Variants in DPP6 observed in about 807,000 individuals in gnomAD.
The protein encoded by DPP6 is A-type potassium channel modulatory protein DPP6.
DPP6 carries 69 observed loss-of-function variants against 122.6 expected under a neutral mutation model. The ratio of observed to expected loss-of-function variants is 0.56; its 90% CI spans 0.46 to 0.69. DPP6 has a LOEUF of 0.69. Ranked by LOEUF, DPP6 falls within the 30% of genes least tolerant of loss-of-function variation. The probability of loss-of-function intolerance (pLI) is 0.00; values close to 1 mark genes in which losing one functional copy is unlikely to be tolerated. For synonymous variants in DPP6, 418 were observed against 433.1 expected, an observed-to-expected ratio of 0.97 and a Z score of 0.43; for missense variants, 928 against 1,116.9, an observed-to-expected ratio of 0.83 and a Z score of 2.41.
intron 2 of DPP6, among the ~76,000 whole-genome samples, chr7:154,454,718 T>C (rs538584123): frequency 6.6e-6 from 1 of 152,274 alleles, no homozygotes; most frequent in South Asian, 2.1e-4. Flanking sequence ...TTTACACCAG[T>C]GTCCTAACCA....
chr7:154,597,149 CACAGAGACAGAGAGGGAGAGAAG>C (rs1833141195), intron 5 of DPP6, among the ~76,000 whole-genome samples: 1 of 139,320 alleles, frequency 7.2e-6, no homozygotes, highest in Admixed American at 7.4e-5. Context: ...GAGAGAGAGA[CACAGAGACAGAGAGGGAGAGAAG>C]ACAGAGAGAG....
At chr7:154,286,159 G>A (rs1804835014) in intron 1 of DPP6, among the ~76,000 whole-genome samples, 1 of 152,198 alleles carries the variant, frequency 6.6e-6, no homozygotes. Context: ...AGCGCACTGA[G>A]ATTTTAAGGA....
intron 1 of DPP6, among the ~76,000 whole-genome samples, chr7:154,281,026 T>TATTTATTTA (rs61165806): frequency 6.6e-6 from 1 of 150,616 alleles, no homozygotes; most frequent in African/African-American, 2.5e-5. Context: ...TTTATTTATT[T>TATTTATTTA]TTTGGAGACA....
intron 1 of DPP6, among the ~76,000 whole-genome samples, chr7:153,958,356 C>T (rs1563048673): frequency 6.6e-6 from 1 of 152,116 alleles, no homozygotes; most frequent in African/African-American, 2.4e-5. Context: ...ATTCCCTCCA[C>T]CCGAGCAGGT....
intron 3 of DPP6, among the ~76,000 whole-genome samples, chr7:154,539,799 T>C (rs1028002104): frequency 2.0e-5 from 3 of 151,666 alleles, no homozygotes; most frequent in African/African-American, 7.3e-5. Flanking sequence ...AAAAAAATTA[T>C]TGGTGTATTT....
chr7:154,834,859 A>G (rs1410819478), intron 16 of DPP6, among the ~76,000 whole-genome samples: 16 of 152,222 alleles, frequency 1.1e-4, no homozygotes. Flanking sequence ...GAAAGACTCT[A>G]GGAGACACTG....
chr7:154,571,655 A>T (rs1034161380), intron 5 of DPP6, among the ~76,000 whole-genome samples: 3 of 152,218 alleles, frequency 2.0e-5, no homozygotes, highest in Non-Finnish European at 4.4e-5. Flanking sequence ...GTGGAACATC[A>T]TTCTGGTCCA....
At chr7:153,965,548 T>C (rs1381414700) in intron 1 of DPP6, among the ~76,000 whole-genome samples, 4 of 152,198 alleles carry the variant, frequency 2.6e-5, no homozygotes, top group African/African-American at 4.8e-5. Context: ...AGTCTCGCTG[T>C]GTCCCCCAGG....
chr7:154,445,041 G>C (rs1432340258), intron 1 of DPP6, among the ~76,000 whole-genome samples: 1 of 152,116 alleles, frequency 6.6e-6, no homozygotes, highest in African/African-American at 2.4e-5. Context: ...AACAAATATA[G>C]CCAATATTAA....
At chr7:154,514,223 C>T (rs1786453063) in intron 3 of DPP6, among the ~76,000 whole-genome samples, 1 of 152,034 alleles carries the variant, frequency 6.6e-6, no homozygotes, top group Non-Finnish European at 1.5e-5. Flanking sequence ...TTGTGGTGAG[C>T]CAAGATAGCA....
intron 10 of DPP6, among the ~76,000 whole-genome samples, chr7:154,780,487 T>C (rs951091459): frequency 6.6e-6 from 1 of 152,206 alleles, no homozygotes; most frequent in African/African-American, 2.4e-5. Flanking sequence ...AAAATGGGAT[T>C]CTGCGTCGCC....
the DPP6 span, among the ~76,000 whole-genome samples, chr7:153,825,798 C>A: frequency 6.6e-6 from 1 of 152,044 alleles, no homozygotes; most frequent in Non-Finnish European, 1.5e-5. Context: ...TGAGCTCAGG[C>A]AGTCTGCCCG....
intron 12 of DPP6, among the ~76,000 whole-genome samples, chr7:154,796,454 C>G (rs1798055616): frequency 6.6e-6 from 1 of 152,220 alleles, no homozygotes; most frequent in African/African-American, 2.4e-5. Flanking sequence ...CCAGGTAAAT[C>G]ATTCTGAGAC....
chr7:153,931,906 A>G (rs887570578), intron 1 of DPP6, among the ~76,000 whole-genome samples: 1 of 152,186 alleles, frequency 6.6e-6, no homozygotes, highest in African/African-American at 2.4e-5. Flanking sequence ...TGCAGAAACA[A>G]TCTTCGTGCA....
intron 1 of DPP6, among the ~76,000 whole-genome samples, chr7:154,412,756 A>C (rs1170411207): frequency 2.0e-5 from 3 of 151,992 alleles, no homozygotes; most frequent in Admixed American, 2.0e-4. Context: ...GAGTGACTTC[A>C]TCTCACTCGA....
At chr7:153,864,685 AC>A in the DPP6 span, among the ~76,000 whole-genome samples, 3 of 70,320 alleles carry the variant, frequency 4.3e-5, no homozygotes, top group South Asian at 3.6e-4. Context: ...ACACACACAC[AC>A]ACACACACAC....
At position 153,968,723 on chromosome 7, in the gene DPP6, A is replaced by T. The variant is rs1795875686; in HGVS notation, c.51+80989A>T. 3 of 151,652 alleles carry T rather than the reference A, an allele frequency of 2.0e-5. No individual in the cohort carries two copies. In the South Asian group the frequency reaches 6.2e-4, roughly 31 times the overall value. The allele number at this position is 151,652 out of a possible 1,614,324, so 9.4% of individuals were successfully genotyped here. A position where few individuals can be genotyped will look rare whatever the true frequency, so the allele number is the denominator to read the frequency against. The stretch of plus-strand genomic sequence containing the variant: ...TAATGCCACTTCCATTGCTAAGCCC[A>T]CTAGGACACTCCCTAAAACTTCAAT... On this transcript the variant is annotated intron_variant, in intron 1 of 25. Transcript: ENST00000404039.
intron 1 of DPP6, among the ~76,000 whole-genome samples, chr7:154,320,506 C>T (rs1807853598): frequency 6.6e-6 from 1 of 151,588 alleles, no homozygotes; most frequent in African/African-American, 2.4e-5. Context: ...TTTCTTGAGA[C>T]AGAATTTTCC....
intron 1 of DPP6, among the ~76,000 whole-genome samples, chr7:153,990,262 A>C (rs1797105323): frequency 1.2e-5 from 1 of 83,676 alleles, no homozygotes; most frequent in Non-Finnish European, 2.2e-5. Context: ...ACCTGCTTCC[A>C]GCCTTGCTGA....
Sources: allele counts gnomAD v4.1 joint callset (sites outside exome capture counted in the v4.1 genomes callset), GRCh38; gene constraint gnomAD v4.1.1; transcripts MANE v1.5; gene names NCBI Gene and HGNC (gene_info 2026-07-23, HGNC 2026-07-21).